MAN1B1: variants seen among roughly 807,000 people sequenced by gnomAD.
MAN1B1 encodes endoplasmic reticulum mannosyl-oligosaccharide 1,2-alpha-mannosidase.
In MAN1B1, 66 loss-of-function variants were observed where a neutral mutation model predicts 75.5. The observed-to-expected ratio is 0.87, with a 90% CI of 0.72 to 1.07. The LOEUF (loss-of-function observed/expected upper bound fraction) is 1.07. Ranked by LOEUF, MAN1B1 falls within the 50% of genes least tolerant of loss-of-function variation. The pLI, the probability that MAN1B1 is intolerant of heterozygous loss-of-function variation, is 0.00. For missense variants in MAN1B1, 973 were observed against 912.5 expected (o/e 1.07, Z -0.85); for synonymous variants, 453 against 382.8 (o/e 1.18, Z -2.14).
At chr9:137,094,027 T>C (rs1227375028) in intron 3 of MAN1B1, among the ~76,000 whole-genome samples, 1 of 151,018 alleles carries the variant, frequency 6.6e-6, no homozygotes, top group Non-Finnish European at 1.5e-5. Context: ...GATTTTTTTT[T>C]TTTTTGAGAC....
Position 137,108,565 on chromosome 9 carries a change from C to T in MAN1B1, c.2074C>T (p.Pro692Ser), listed in dbSNP as rs1252609528. The change falls in exon 13 of 13, where the codon CCT becomes TCT. Residue 692 changes from proline to serine, a missense_variant. Physicochemically the swap from Pro to Ser is moderately conservative, Grantham distance 74 (BLOSUM62 -1). Coordinates refer to ENST00000371589, the MANE Select transcript of MAN1B1 (RefSeq NM_016219.5). ...DAYVFNTEAH[P>S]LPIWTPA The stretch of plus-strand genomic sequence containing the variant: ...CTACGTGTTCAACACCGAAGCCCAC[C>T]CTCTGCCTATCTGGACCCCTGCCTA... The T allele has an allele frequency of 3.1e-6, 5 of 1,613,746 alleles. No individual in the cohort carries two copies. The highest frequency in any genetic ancestry group is 1.3e-5 in the African/African-American group (1 of 74,938).
chr9:137,093,240 A>T (rs1830561436), intron 3 of MAN1B1, among the ~76,000 whole-genome samples: 1 of 152,130 alleles, frequency 6.6e-6, no homozygotes, highest in South Asian at 2.1e-4. Flanking sequence ...CTAAAAATAC[A>T]CAAATTAGCC....
At chr9:137,093,010 T>C (rs572926362) in intron 3 of MAN1B1, among the ~76,000 whole-genome samples, 2 of 152,348 alleles carry the variant, frequency 1.3e-5, no homozygotes, top group South Asian at 4.1e-4. Context: ...CCAAGTATGC[T>C]TCTTATGACT....
At position 137,087,083 on chromosome 9, in the gene MAN1B1, T is replaced by C. The variant is rs765955038; in HGVS notation, c.84T>C (p.Pro28=). The change falls in exon 1 of 13, where the codon CCT becomes CCC. Residue 28 remains proline (P), a synonymous_variant. Transcript: ENST00000371589. The part of the protein sequence containing the change: ...DFLTPPVGGA[P]WAVATTVVMY... ...TGACGCCGCCAGTGGGCGGGGCCCCTTGGGCCGTCGCCACCACTGTAGTCA... is the reference window on the plus strand; with the variant it reads ...TGACGCCGCCAGTGGGCGGGGCCCCCTGGGCCGTCGCCACCACTGTAGTCA... 1 of 1,600,714 alleles carries C rather than the reference T, an allele frequency of 6.2e-7. No homozygotes were observed. Among genetic ancestry groups the C allele is most frequent in the Non-Finnish European group, 8.5e-7 (1 of 1,175,572 alleles).
rs1442342152 is a variant in MAN1B1 at position 137,101,611 on chromosome 9, T to C, written c.1193T>C (p.Val398Ala). ...ACCTCCGACAGCACTGTGGCCGAGGTGACCAGCATTCAGCTGGAGTTCCGG... is the reference window on the plus strand; with the variant it reads ...ACCTCCGACAGCACTGTGGCCGAGGCGACCAGCATTCAGCTGGAGTTCCGG... ...RWTSDSTVAE[V>A]TSIQLEFREL... The change falls in exon 8 of 13, where the codon GTG becomes GCG. Residue 398 changes from valine (V) to alanine (A), a missense_variant. Physicochemically the swap from Val to Ala is moderately conservative, Grantham distance 64. Coordinates refer to ENST00000371589, the MANE Select transcript of MAN1B1 (RefSeq NM_016219.5). 6.8e-6 allele frequency: 11 copies of C among 1,613,726 alleles called. No homozygotes were observed. Among genetic ancestry groups the C allele is most frequent in the Admixed American group, 5.0e-5 (3 of 60,020 alleles).
rs180974946 is a variant in MAN1B1 at position 137,093,042 on chromosome 9, T to G, written c.466-3195T>G. On this transcript the variant is annotated intron_variant, in intron 3 of 12. Transcript: ENST00000371589. ...GACTTCATCCGGCTTAGAAATTAGTTTTAGAGAACTTTGCTATATAGTAGC... is the reference window on the plus strand; with the variant it reads ...GACTTCATCCGGCTTAGAAATTAGTGTTAGAGAACTTTGCTATATAGTAGC... Among the ~76,000 whole-genome samples the G allele has an allele frequency of 3.0e-4, 46 of 152,318 alleles. 1 individual carries two copies. In the East Asian group the frequency reaches 5.4e-3, roughly 18 times the overall value.
chr9:137,097,313 C>T (rs553092756), intron 4 of MAN1B1, among the ~76,000 whole-genome samples: 61 of 152,332 alleles, frequency 4.0e-4, no homozygotes, highest in African/African-American at 1.1e-3. Flanking sequence ...CCCAAGAGAA[C>T]GCTCGGGCCC....
chr9:137,088,378 A>G (rs1296998090), intron 2 of MAN1B1, 195 bp downstream of exon 2: 3 of 1,585,178 alleles, frequency 1.9e-6, no homozygotes, highest in Admixed American at 3.4e-5. Flanking sequence ...ATGCTGTCTG[A>G]CTACTTTCTA....
chr9:137,108,160 C>T, intron 12 of MAN1B1: 3 of 614,586 alleles, frequency 4.9e-6, no homozygotes, highest in Non-Finnish European at 8.7e-6. Context: ...AGCCCAGGTT[C>T]TGGGGGAGGC....
chr9:137,092,887 C>T (rs567479400), intron 3 of MAN1B1, among the ~76,000 whole-genome samples: 11 of 152,306 alleles, frequency 7.2e-5, no homozygotes, highest in African/African-American at 2.4e-4. Context: ...GCTCCCATCC[C>T]GGAAGCTGTC....
Position 137,098,929 on chromosome 9 carries a change from A to G in MAN1B1, c.731-767A>G, listed in dbSNP as rs981183773. 3.3e-5 allele frequency among the ~76,000 whole-genome samples: 5 copies of G among 152,170 alleles called. No individual in the cohort carries two copies. In the South Asian group the frequency reaches 1.0e-3, roughly 32 times the overall value. On this transcript the variant is annotated intron_variant, in intron 5 of 12. Coordinates refer to ENST00000371589, the MANE Select transcript of MAN1B1 (RefSeq NM_016219.5). ...ACTGCAACGTCTGCCTTCTGGGTTC[A>G]AGCAAGTCTCCTGCCTCAGCCTCCC...
At chr9:137,103,179 TACACACATTCACACTGTTGCA>T (rs1830943518) in intron 8 of MAN1B1, 2 of 357,502 alleles carry the variant, frequency 5.6e-6, no homozygotes, top group African/African-American at 9.1e-5. Context: ...AGGTCGGTGG[TACACACATTCACACTGTTGCA>T]GGCGTGCAGG....
Position 137,108,902 on chromosome 9 carries a change from G to A in MAN1B1, c.*311G>A. 1 of 531,676 alleles carries A rather than the reference G, an allele frequency of 1.9e-6. No homozygotes were observed. Among genetic ancestry groups the A allele is most frequent in the Non-Finnish European group, 3.6e-6 (1 of 276,718 alleles). The allele number at this position is 531,676 out of a possible 1,614,324, so 32.9% of individuals were successfully genotyped here. A position where few individuals can be genotyped will look rare whatever the true frequency, so the allele number is the denominator to read the frequency against. On this transcript the variant is annotated 3_prime_UTR_variant, in exon 13 of 13. Transcript: ENST00000371589. ...TGGGCCGACCAGAGGGGGGCTTCGA[G>A]GTGGTCCCTGGTACTGGGGTGACCG...
chr9:137,108,721 C>T lies in MAN1B1; in HGVS notation c.*130C>T, dbSNP rs756310830. 8.4e-6 allele frequency: 7 copies of T among 829,352 alleles called. No homozygotes were observed. Among genetic ancestry groups the T allele is most frequent in the Middle Eastern group, 2.2e-4 (1 of 4,600 alleles). 51.4% of individuals were successfully genotyped at this position (829,352 alleles called of 1,614,324 possible). A position where few individuals can be genotyped will look rare whatever the true frequency, so the allele number is the denominator to read the frequency against. Reference sequence around the variant, plus strand: ...CAGGCTCTGAACTGGCTCTGGGCTCCTCCTCGTCTCTGCTTTAATCAGGAC... The same window carrying T: ...CAGGCTCTGAACTGGCTCTGGGCTCTTCCTCGTCTCTGCTTTAATCAGGAC... On this transcript the variant is annotated 3_prime_UTR_variant, in exon 13 of 13. Coordinates refer to ENST00000371589, the MANE Select transcript of MAN1B1 (RefSeq NM_016219.5).
intron 12 of MAN1B1, 101 bp downstream of exon 12, chr9:137,107,763 C>A: frequency 3.2e-6 from 5 of 1,581,592 alleles, no homozygotes; most frequent in Non-Finnish European, 4.3e-6. Context: ...GTGGCTGTGA[C>A]CTGGATCCGG....
chr9:137,097,356 C>T (rs1347835593), intron 4 of MAN1B1, among the ~76,000 whole-genome samples: 1 of 152,204 alleles, frequency 6.6e-6, no homozygotes, highest in East Asian at 1.9e-4. Flanking sequence ...GGCAAACCCT[C>T]TACACAACCT....
chr9:137,099,731 G>A lies in MAN1B1; in HGVS notation c.766G>A (p.Val256Ile), dbSNP rs746808343. The change falls in exon 6 of 13, where the codon GTC becomes ATC. Residue 256 changes from valine to isoleucine, a missense_variant. By Grantham distance (29) the Val-to-Ile change is conservative (BLOSUM62 3). Transcript: ENST00000371589. ...LNYRQKGVID[V>I]FLHAWKGYRK... is the part of the protein sequence containing the mutation. ...CTATCGCCAGAAGGGCGTGATTGACGTCTTCCTGCATGCATGGAAAGGATA... is the reference window on the plus strand; with the variant it reads ...CTATCGCCAGAAGGGCGTGATTGACATCTTCCTGCATGCATGGAAAGGATA... The A allele has an allele frequency of 1.3e-5, 21 of 1,614,108 alleles. No homozygotes were observed. The highest frequency in any genetic ancestry group is 8.3e-5 in the Admixed American group (5 of 60,014).
intron 4 of MAN1B1, among the ~76,000 whole-genome samples, 195 bp downstream of exon 4, chr9:137,096,586 C>T (rs112940893): frequency 2.8e-4 from 42 of 152,312 alleles, no homozygotes; most frequent in Admixed American, 2.0e-3. Flanking sequence ...ATTAGGTCCC[C>T]GATAATGTCC....
At chr9:137,105,271 C>G (rs982673460) in intron 8 of MAN1B1, 2 of 152,962 alleles carry the variant, frequency 1.3e-5, no homozygotes, top group African/African-American at 4.8e-5. Flanking sequence ...TGTTTTTAAT[C>G]ATGAGCTGGA....
Sources: allele counts gnomAD v4.1 joint callset (sites outside exome capture counted in the v4.1 genomes callset), GRCh38; gene constraint gnomAD v4.1.1; transcripts MANE v1.5; gene names NCBI Gene and HGNC (gene_info 2026-07-23, HGNC 2026-07-21).